Variants in PEAK1 observed in about 807,000 individuals in gnomAD.
The protein encoded by PEAK1 is pseudopodium enriched atypical kinase 1.
Under a neutral mutation model 124.7 loss-of-function variants are expected in PEAK1, and 54 were observed. The observed-to-expected ratio is 0.43, with a 90% CI of 0.35 to 0.54. The LOEUF is 0.54. Ranked by LOEUF, PEAK1 falls within the 20% of genes least tolerant of loss-of-function variation. The pLI is 0.01. For missense variants in PEAK1, 2,046 were observed against 2,134.5 expected (o/e 0.96, Z 0.82); for synonymous variants, 719 against 760.0 (o/e 0.95, Z 0.89).
chr15:77,383,432 C>T (rs1293591697), intron 1 of PEAK1, among the ~76,000 whole-genome samples: 1 of 152,182 alleles, frequency 6.6e-6, no homozygotes, highest in African/African-American at 2.4e-5. Flanking sequence ...ACTCCACGTT[C>T]CTTTTTGATC....
rs2057125436 is a variant in PEAK1 at position 77,179,726 on chromosome 15, ATCTTTGCTGGGGAGCTGTGGCTGGAAC to A, written c.2174_2200del (p.Ser725_Lys733del). On this transcript the variant is annotated inframe_deletion, in exon 7 of 10. Transcript: ENST00000682557. ...CACAGGCTCTTGAGTGGCTCTCTGGATCTTTGCTGGGGAGCTGTGGCTGGAACTATAGCTTCTCTGTGGTGAAGACTG... is the reference window on the plus strand; with the variant it reads ...CACAGGCTCTTGAGTGGCTCTCTGGATATAGCTTCTCTGTGGTGAAGACTG... The A allele has an allele frequency of 6.2e-7, 1 of 1,612,830 alleles. No individual in the cohort carries two copies. The highest frequency in any genetic ancestry group is 2.2e-5 in the East Asian group (1 of 44,850).
chr15:77,414,307 T>C (rs973631661), intron 1 of PEAK1, among the ~76,000 whole-genome samples: 6 of 143,228 alleles, frequency 4.2e-5, no homozygotes, highest in African/African-American at 1.3e-4. Context: ...CCTCCCAGGC[T>C]CAAGTGATCC....
chr15:77,276,863 T>A (rs1379689844), intron 5 of PEAK1, among the ~76,000 whole-genome samples: 1 of 151,982 alleles, frequency 6.6e-6, no homozygotes. Flanking sequence ...TAGAAACATA[T>A]AAAAATGTTA....
chr15:77,276,061 A>G (rs1426618163), intron 5 of PEAK1, among the ~76,000 whole-genome samples: 1 of 152,152 alleles, frequency 6.6e-6, no homozygotes, highest in Non-Finnish European at 1.5e-5. Flanking sequence ...TCTGAACAAT[A>G]GGAAGAAAAC....
rs114544300 is a variant in PEAK1, at chr15:77,227,872, C to T, written c.-115+24495G>A. ...ATTAGCCTGGTATGGTGGTGCTCAC[C>T]TATAGTTTCAGCTACTTGGGAGGCT... On this transcript the variant is annotated intron_variant, in intron 6 of 9. Coordinates refer to ENST00000682557, the MANE Select transcript of PEAK1 (RefSeq NM_001385026.1). Among the ~76,000 whole-genome samples, 1,109 of 151,882 alleles carry T rather than the reference C, an allele frequency of 7.3e-3. 15 individuals carry two copies. The highest frequency in any genetic ancestry group is 0.025 in the African/African-American group (1,051 of 41,426).
chr15:77,386,491 T>C (rs1243088627), intron 1 of PEAK1, among the ~76,000 whole-genome samples: 1 of 152,070 alleles, frequency 6.6e-6, no homozygotes. Context: ...TTAATTACAA[T>C]CAGAGGGAAA....
At chr15:77,410,952 A>G (rs1469429127) in intron 1 of PEAK1, among the ~76,000 whole-genome samples, 2 of 151,998 alleles carry the variant, frequency 1.3e-5, no homozygotes, top group Non-Finnish European at 2.9e-5. Flanking sequence ...CCATACTACC[A>G]CCTCTTATCA....
intron 6 of PEAK1, among the ~76,000 whole-genome samples, chr15:77,197,407 G>C (rs2058160308): frequency 6.6e-6 from 1 of 152,106 alleles, no homozygotes; most frequent in Admixed American, 6.6e-5. Context: ...AATTAATTTG[G>C]ACATAATTGA....
chr15:77,105,357 T>TGTGTGCGCGCGC (rs1555407960), downstream of PEAK1: 3 of 85,348 alleles, frequency 3.5e-5, no homozygotes, highest in African/African-American at 1.2e-4. Context: ...TGTGTGTGTG[T>TGTGTGCGCGCGC]GCGCGCGTGC....
At chr15:77,128,098 G>A (rs2052547776) in intron 9 of PEAK1, among the ~76,000 whole-genome samples, 2 of 151,382 alleles carry the variant, frequency 1.3e-5, no homozygotes, top group Admixed American at 6.6e-5. Context: ...AAAAAAAAAG[G>A]GAAAGCTTGT....
In PEAK1 at chr15:77,133,104, G is replaced by T; in HGVS notation, c.3978C>A (p.Asp1326Glu). 6.2e-7 allele frequency: 1 copy of T among 1,614,246 alleles called. No individual in the cohort carries two copies. The highest frequency in any genetic ancestry group is 8.5e-7 in the Non-Finnish European group (1 of 1,180,040). The change falls in exon 9 of 10, where the codon GAC becomes GAA. Residue 1326 changes from aspartate (D) to glutamate (E), a missense_variant. By Grantham distance (45) the Asp-to-Glu change is conservative. Transcript: ENST00000682557. The surrounding 1 kb of genome is among the most constrained non-coding windows in gnomAD (Gnocchi z 4.2). ...QLRFGVDSWS[D>E]FRLTSDKPCC... ...ATGGTTTGTCACTGGTTAGCCTGAAGTCTGACCAGCTGTCCACTCCAAAAC... is the reference window on the plus strand; with the variant it reads ...ATGGTTTGTCACTGGTTAGCCTGAATTCTGACCAGCTGTCCACTCCAAAAC...
intron 2 of PEAK1, among the ~76,000 whole-genome samples, chr15:77,360,139 T>C (rs1330976571): frequency 2.0e-5 from 3 of 152,206 alleles, no homozygotes; most frequent in African/African-American, 7.2e-5. Flanking sequence ...TTGTTTTCTT[T>C]AAGGGTGCCA....
intron 6 of PEAK1, among the ~76,000 whole-genome samples, chr15:77,235,192 A>T (rs1397888833): frequency 6.6e-6 from 1 of 152,010 alleles, no homozygotes; most frequent in Non-Finnish European, 1.5e-5. Context: ...AATACAATAA[A>T]TTGGTACCAA....
At chr15:77,186,694 C>T (rs1200928429) in intron 6 of PEAK1, among the ~76,000 whole-genome samples, 1 of 152,144 alleles carries the variant, frequency 6.6e-6, no homozygotes, top group Non-Finnish European at 1.5e-5. Context: ...CCAGATGGAG[C>T]TGCTGTCTAA....
chr15:77,299,030 C>T (rs1447325248), intron 2 of PEAK1, among the ~76,000 whole-genome samples: 1 of 152,196 alleles, frequency 6.6e-6, no homozygotes, highest in Non-Finnish European at 1.5e-5. Context: ...CTTTCACTCC[C>T]ACACTTGGCA....
chr15:77,261,840 T>C (rs2061458671), intron 5 of PEAK1, among the ~76,000 whole-genome samples: 1 of 151,758 alleles, frequency 6.6e-6, no homozygotes, highest in Non-Finnish European at 1.5e-5. Flanking sequence ...AAGGAAAAAA[T>C]GTTAAGGGCA....
chr15:77,289,832 A>AAAAG (rs983080158), intron 2 of PEAK1, among the ~76,000 whole-genome samples: 1 of 152,188 alleles, frequency 6.6e-6, no homozygotes, highest in Non-Finnish European at 1.5e-5. Flanking sequence ...CTCTGTCTCA[A>AAAAG]AAAGAAAGAA....
chr15:77,170,179 T>C lies in PEAK1; in HGVS notation c.3137+8611A>G, dbSNP rs929497180. 2.0e-5 allele frequency among the ~76,000 whole-genome samples: 3 copies of C among 152,226 alleles called. No homozygotes were observed. In the East Asian group the frequency reaches 5.8e-4, roughly 29 times the overall value. ...GAATAGAGGCAGAGACAGAACAAGA[T>C]TGGTTATAAATTGATAACTGTTGAA... On this transcript the variant is annotated intron_variant, in intron 7 of 9. Coordinates refer to ENST00000682557, the MANE Select transcript of PEAK1 (RefSeq NM_001385026.1).
intron 9 of PEAK1, among the ~76,000 whole-genome samples, chr15:77,129,591 A>G (rs1309335105): frequency 2.0e-5 from 3 of 146,460 alleles, no homozygotes; most frequent in Admixed American, 7.0e-5. Context: ...GCCCGCCACA[A>G]TGACTGGCTA....
Sources: allele counts gnomAD v4.1 joint callset (sites outside exome capture counted in the v4.1 genomes callset), GRCh38; gene constraint gnomAD v4.1.1; non-coding constraint Gnocchi (gnomAD v3.1); transcripts MANE v1.5; gene names NCBI Gene and HGNC (gene_info 2026-07-23, HGNC 2026-07-21).